The following SYT9 variants were observed in gnomAD, a reference collection of about 807,000 sequenced individuals.
SYT9 encodes the protein synaptotagmin-9.
A neutral mutation model predicts 48.4 loss-of-function variants in SYT9; 22 were observed. The observed-to-expected ratio is 0.45, with a 90% confidence interval of 0.32 to 0.65. The LOEUF (loss-of-function observed/expected upper bound fraction) is 0.65, where lower values mean the gene tolerates loss of function less well. Ranked by LOEUF, SYT9 falls within the 30% of genes least tolerant of loss-of-function variation. The pLI is 0.03. For synonymous variants in SYT9, 265 were observed against 245.0 expected (o/e 1.08, Z -0.76); for missense variants, 577 against 622.0 (o/e 0.93, Z 0.77).
chr11:7,293,586 G>T (rs964589711), intron 1 of SYT9, among the ~76,000 whole-genome samples: 1 of 152,156 alleles, frequency 6.6e-6, no homozygotes, highest in Non-Finnish European at 1.5e-5. Context: ...AGTGGTTTTC[G>T]TCTTAGATAC....
intron 6 of SYT9, among the ~76,000 whole-genome samples, chr11:7,465,287 G>C (rs1443932186): frequency 6.6e-6 from 1 of 152,156 alleles, no homozygotes; most frequent in African/African-American, 2.4e-5. Flanking sequence ...ACAATCAAAC[G>C]TGGTTTCCCT....
Position 7,294,162 on chromosome 11 carries a change from A to G in SYT9, c.146-8877A>G, listed in dbSNP as rs534967643. ...TGCTTATCCCATTCATGAGGGCTTC[A>G]CCTTCATTACTTAATCATCTCCCAA... On this transcript the variant is annotated intron_variant, in intron 1 of 6. Coordinates refer to ENST00000318881, the MANE Select transcript of SYT9 (RefSeq NM_175733.4). Among the ~76,000 whole-genome samples, 116 of 152,268 alleles carry G rather than the reference A, an allele frequency of 7.6e-4. 1 individual carries two copies. The highest frequency in any genetic ancestry group is 1.4e-3 in the Non-Finnish European group (97 of 68,018).
chr11:7,413,742 G>A (rs975116769), intron 3 of SYT9, among the ~76,000 whole-genome samples: 1 of 149,168 alleles, frequency 6.7e-6, no homozygotes, highest in African/African-American at 2.5e-5. Context: ...GCACATAGCT[G>A]CCTGTTGTTT....
At chr11:7,287,124 A>C (rs1260420926) in intron 1 of SYT9, among the ~76,000 whole-genome samples, 3 of 152,204 alleles carry the variant, frequency 2.0e-5, no homozygotes, top group African/African-American at 7.2e-5. Flanking sequence ...GGTTTAATTG[A>C]CCCACAGTTC....
intron 3 of SYT9, among the ~76,000 whole-genome samples, chr11:7,388,625 T>A (rs561423749): frequency 1.1e-4 from 17 of 152,222 alleles, no homozygotes; most frequent in Non-Finnish European, 1.9e-4. Flanking sequence ...CTAAAATATT[T>A]CTCAATATAA....
intron 3 of SYT9, among the ~76,000 whole-genome samples, chr11:7,356,278 G>T (rs2134009581): frequency 6.6e-6 from 1 of 152,304 alleles, no homozygotes; most frequent in East Asian, 1.9e-4. Context: ...CGTTTTACTA[G>T]TTCTCAAAAT....
chr11:7,264,572 G>A (rs1290796179), intron 1 of SYT9, among the ~76,000 whole-genome samples: 1 of 152,068 alleles, frequency 6.6e-6, no homozygotes, highest in Non-Finnish European at 1.5e-5. Context: ...AGGATTAATG[G>A]ATTGTAGGTC....
chr11:7,442,697 C>T (rs577057077), intron 6 of SYT9, among the ~76,000 whole-genome samples: 27 of 152,276 alleles, frequency 1.8e-4, no homozygotes, highest in African/African-American at 6.3e-4. Context: ...TAATGGGTTC[C>T]TTGACCCAAT....
intron 1 of SYT9, among the ~76,000 whole-genome samples, chr11:7,265,501 C>T (rs1047670519): frequency 5.3e-5 from 8 of 152,160 alleles, no homozygotes; most frequent in Admixed American, 1.3e-4. Flanking sequence ...AATACCTCTA[C>T]ACAGCTAGGG....
intron 6 of SYT9, among the ~76,000 whole-genome samples, chr11:7,464,593 A>G (rs1341358354): frequency 6.6e-6 from 1 of 152,182 alleles, no homozygotes; most frequent in Non-Finnish European, 1.5e-5. Flanking sequence ...TAAGTACCCA[A>G]AAATGAAGGA....
chr11:7,282,110 T>C (rs979827435), intron 1 of SYT9, among the ~76,000 whole-genome samples: 1 of 152,204 alleles, frequency 6.6e-6, no homozygotes, highest in Admixed American at 6.5e-5. Flanking sequence ...CATAAGAGAT[T>C]TTCTGTAGGT....
intron 3 of SYT9, among the ~76,000 whole-genome samples, chr11:7,340,726 G>T (rs1306642299): frequency 2.6e-5 from 4 of 152,202 alleles, no homozygotes; most frequent in African/African-American, 9.7e-5. Flanking sequence ...GGTGATGGCT[G>T]CAAGACAGCA....
chr11:7,241,207 AAC>A (rs141196550), intron 1 of SYT9, among the ~76,000 whole-genome samples: 2,010 of 144,040 alleles, frequency 0.014, 21 homozygotes, highest in Middle Eastern at 0.042. Flanking sequence ...TGTTATTTAA[AAC>A]ACACACACAC....
At chr11:7,453,267 A>G (rs570813651) in intron 6 of SYT9, among the ~76,000 whole-genome samples, 56 of 152,154 alleles carry the variant, frequency 3.7e-4, no homozygotes, top group African/African-American at 1.2e-3. Flanking sequence ...TGGCGTGCCC[A>G]CTATGGGGAG....
chr11:7,274,049 C>T (rs112637327), intron 1 of SYT9, among the ~76,000 whole-genome samples: 1 of 152,086 alleles, frequency 6.6e-6, no homozygotes, highest in Admixed American at 6.6e-5. Context: ...CACATGTATC[C>T]CAGAACTTAA....
chr11:7,265,523 A>T (rs11041290), intron 1 of SYT9, among the ~76,000 whole-genome samples: 75,131 of 151,972 alleles, frequency 0.49, 19,266 homozygotes, highest in Non-Finnish European at 0.56. Flanking sequence ...TGCAAATGAC[A>T]TGCACTTACG....
chr11:7,273,866 C>A (rs981902637), intron 1 of SYT9, among the ~76,000 whole-genome samples: 1 of 151,906 alleles, frequency 6.6e-6, no homozygotes, highest in Non-Finnish European at 1.5e-5. Flanking sequence ...CACATGGACA[C>A]AGGGAGGGGA....
In SYT9 at chr11:7,466,589, C is replaced by T. The variant is rs542944549; in HGVS notation, c.1468-203C>T. 4.6e-5 allele frequency among the ~76,000 whole-genome samples: 7 copies of T among 151,958 alleles called. No individual in the cohort carries two copies. In the East Asian group the frequency reaches 5.8e-4, roughly 13 times the overall value. ...TACAAAAATTAGCCAGGTGTGGCGG[C>T]GGGCACCTGTAATCCCAGCTACTTG... On this transcript the variant is annotated intron_variant, in intron 6 of 6. Coordinates refer to ENST00000318881, the MANE Select transcript of SYT9 (RefSeq NM_175733.4).
At chr11:7,428,384 G>GA (rs1251995945) in intron 6 of SYT9, among the ~76,000 whole-genome samples, 1 of 152,172 alleles carries the variant, frequency 6.6e-6, no homozygotes, top group African/African-American at 2.4e-5. Flanking sequence ...CATCTCCAGG[G>GA]ATGGCATTCA....
Sources: gnomAD v4.1 joint callset for allele counts (sites outside exome capture counted in the v4.1 genomes callset) on GRCh38, gnomAD v4.1.1 for gene constraint, MANE v1.5 for transcripts, NCBI Gene and HGNC (gene_info 2026-07-23, HGNC 2026-07-21) for gene names.